IMPG1: variants seen among roughly 807,000 people sequenced by gnomAD.
IMPG1 encodes interphotoreceptor matrix proteoglycan 1, also known as interphotoreceptor matrix proteoglycan of 150 kDa.
A neutral mutation model predicts 92.0 loss-of-function variants in IMPG1; 85 were observed. The ratio of observed to expected loss-of-function variants is 0.92; its 90% CI spans 0.78 to 1.11. The LOEUF is 1.11. IMPG1 is among the 50% of genes least tolerant of loss of function. The pLI is 0.00. For synonymous variants in IMPG1, 367 were observed against 334.1 expected (o/e 1.10, Z -1.08); for missense variants, 1,022 against 956.0 (o/e 1.07, Z -0.91).
intron 12 of IMPG1, among the ~76,000 whole-genome samples, chr6:76,000,946 A>T (rs1234301458): frequency 6.6e-6 from 1 of 152,226 alleles, no homozygotes; most frequent in Non-Finnish European, 1.5e-5. Flanking sequence ...TAAGCCAAAC[A>T]TAGTATAATA....
intron 12 of IMPG1, among the ~76,000 whole-genome samples, chr6:75,975,136 C>T (rs1782512918): frequency 6.6e-6 from 1 of 152,218 alleles, no homozygotes; most frequent in East Asian, 1.9e-4. Flanking sequence ...GCCCCTTACA[C>T]AGAGTACTTT....
At chr6:76,025,121 G>C in intron 5 of IMPG1, 73 bp downstream of exon 5, 2 of 865,714 alleles carry the variant, frequency 2.3e-6, no homozygotes, top group South Asian at 1.4e-5. Context: ...ATTAGGAATT[G>C]TTTTATAAAT....
intron 1 of IMPG1, among the ~76,000 whole-genome samples, chr6:76,052,238 G>A (rs1784054877): frequency 6.6e-6 from 1 of 152,128 alleles, no homozygotes; most frequent in African/African-American, 2.4e-5. Context: ...GCAGGGCCAT[G>A]TTTTCAACTG....
chr6:75,964,643 C>T (rs1782272242), intron 12 of IMPG1, among the ~76,000 whole-genome samples: 1 of 140,066 alleles, frequency 7.1e-6, no homozygotes, highest in South Asian at 2.2e-4. Context: ...CGCCACTGCA[C>T]TCCAGTCTGG....
At chr6:75,990,326 T>C (rs1782793514) in intron 12 of IMPG1, among the ~76,000 whole-genome samples, 1 of 152,190 alleles carries the variant, frequency 6.6e-6, no homozygotes, top group African/African-American at 2.4e-5. Flanking sequence ...TGAAGAGTTA[T>C]TTTTCTATCT....
intron 5 of IMPG1, among the ~76,000 whole-genome samples, chr6:76,023,180 C>A (rs987099983): frequency 2.6e-5 from 4 of 152,028 alleles, no homozygotes; most frequent in African/African-American, 7.3e-5. Context: ...AAAGTACATA[C>A]CCTGTGGCAT....
chr6:75,968,966 T>C (rs890041753), intron 12 of IMPG1, among the ~76,000 whole-genome samples: 3 of 152,224 alleles, frequency 2.0e-5, no homozygotes, highest in Admixed American at 2.0e-4. Context: ...AAATGTGGTA[T>C]ATATACATAA....
chr6:75,955,856 A>G (rs945125991), intron 12 of IMPG1, among the ~76,000 whole-genome samples: 5 of 152,194 alleles, frequency 3.3e-5, no homozygotes, highest in African/African-American at 1.2e-4. Flanking sequence ...TATTGGGATA[A>G]TCATGTAGCT....
chr6:75,947,457 A>C lies in IMPG1; in HGVS notation c.1901T>G (p.Ile634Ser), dbSNP rs75117418. The change falls in exon 14 of 17, where the codon ATT becomes AGT. Residue 634 changes from isoleucine to serine, a missense_variant. Physicochemically the swap from Ile to Ser is moderately radical, Grantham distance 142. This residue lies in a region of IMPG1 where 332 missense variants were observed against 346.2 expected (regional missense o/e 0.96). Coordinates refer to ENST00000369950, the MANE Select transcript of IMPG1 (RefSeq NM_001563.4). ...EILNFRNGSV[I>S]VNSKMKFAKS... is the part of the protein sequence containing the mutation. ...AGCAAACTTCATTTTGCTATTCACA[A>C]TCACACTCCCGTTTCTGAAGTTAAG... The C allele has an allele frequency of 1.1e-5, 18 of 1,613,662 alleles. No homozygotes were observed. Among genetic ancestry groups the C allele is most frequent in the Non-Finnish European group, 1.5e-5 (18 of 1,179,820 alleles).
chr6:75,966,705 A>G (rs191778580), intron 12 of IMPG1, among the ~76,000 whole-genome samples: 55 of 152,378 alleles, frequency 3.6e-4, no homozygotes, highest in Non-Finnish European at 5.7e-4. Flanking sequence ...ATCATTAAAA[A>G]TGATATGAAA....
At chr6:75,972,443 T>G (rs1168286189) in intron 12 of IMPG1, among the ~76,000 whole-genome samples, 1 of 150,208 alleles carries the variant, frequency 6.7e-6, no homozygotes, top group Admixed American at 6.6e-5. Context: ...TCTCTCCCCT[T>G]TTTTTTGTTC....
chr6:76,026,174 T>C (rs1783529650), intron 4 of IMPG1, among the ~76,000 whole-genome samples: 1 of 152,132 alleles, frequency 6.6e-6, no homozygotes, highest in Non-Finnish European at 1.5e-5. Flanking sequence ...CCCCTTTTCT[T>C]CCTTTTCACC....
In IMPG1 at chr6:75,923,680, G is replaced by A; in HGVS notation, c.2270C>T (p.Ala757Val). ...CRLPDHSENQ[A>V]YKTSVKKFQN... ...GAACTTTTTAACACTAGTTTTGTAT[G>A]CTTGATTTTCAGAGTGATCTGGCAA... The change falls in exon 16 of 17, where the codon GCA becomes GTA. Residue 757 changes from alanine (A) to valine (V), a missense_variant. Around this residue, in one of 3 missense-constraint regions of IMPG1, gnomAD observed 332 missense variants for 346.2 expected, o/e 0.96. Coordinates refer to ENST00000369950, the MANE Select transcript of IMPG1 (RefSeq NM_001563.4). 1 of 1,596,206 alleles carries A rather than the reference G, an allele frequency of 6.3e-7. No individual in the cohort carries two copies. Among genetic ancestry groups the A allele is most frequent in the Non-Finnish European group, 8.6e-7 (1 of 1,165,080 alleles).
chr6:75,954,773 C>T (rs774781688), intron 12 of IMPG1, among the ~76,000 whole-genome samples: 2 of 152,114 alleles, frequency 1.3e-5, no homozygotes, highest in African/African-American at 4.8e-5. Context: ...TTTAATCCAT[C>T]GTGAGTTAAT....
At chr6:75,994,418 G>A (rs1287449786) in intron 12 of IMPG1, among the ~76,000 whole-genome samples, 3 of 152,118 alleles carry the variant, frequency 2.0e-5, no homozygotes, top group African/African-American at 7.2e-5. Context: ...ATACTGGATA[G>A]TTCAATGAAA....
chr6:75,961,421 A>C (rs569589974), intron 12 of IMPG1, among the ~76,000 whole-genome samples: 1 of 152,334 alleles, frequency 6.6e-6, no homozygotes, highest in African/African-American at 2.4e-5. Flanking sequence ...ACAAATAGAC[A>C]TTGATAGCCT....
At chr6:75,942,992 G>A (rs1407030198) in intron 14 of IMPG1, among the ~76,000 whole-genome samples, 1 of 152,168 alleles carries the variant, frequency 6.6e-6, no homozygotes, top group Non-Finnish European at 1.5e-5. Flanking sequence ...AAGATACGCA[G>A]ATTCATAGAA....
chr6:75,990,534 G>T (rs971907421), intron 12 of IMPG1, among the ~76,000 whole-genome samples: 1 of 151,572 alleles, frequency 6.6e-6, no homozygotes, highest in Non-Finnish European at 1.5e-5. Context: ...CAGGAGGATT[G>T]CTTGAGCCCA....
At chr6:76,023,383 AG>A (rs1433770792) in intron 5 of IMPG1, among the ~76,000 whole-genome samples, 2 of 152,368 alleles carry the variant, frequency 1.3e-5, no homozygotes, top group East Asian at 3.9e-4. Context: ...ACAATAAAAA[AG>A]TACTTAGCTG....
Sources: gnomAD v4.1 joint callset for allele counts (sites outside exome capture counted in the v4.1 genomes callset) on GRCh38, gnomAD v4.1.1 for gene constraint, gnomAD v4.1.1 regional missense constraint, MANE v1.5 for transcripts, NCBI Gene and HGNC (gene_info 2026-07-23, HGNC 2026-07-21) for gene names.